USP32: variants seen among roughly 807,000 people sequenced by gnomAD.
USP32 encodes ubiquitin specific peptidase 32.
USP32 carries 59 observed loss-of-function variants against 204.8 expected under a neutral mutation model. That is an observed-to-expected ratio of 0.29 (90% CI 0.23 to 0.36). The LOEUF is 0.36. USP32 is among the 10% of genes least tolerant of loss of function. The probability of loss-of-function intolerance (pLI) is 1.00; values close to 1 mark genes in which losing one functional copy is unlikely to be tolerated. For missense variants in USP32, 1,160 were observed against 1,946.4 expected (o/e 0.60, Z 7.60); for synonymous variants, 517 against 678.4 (o/e 0.76, Z 3.70).
At chr17:60,203,208 C>G (rs1168263720) in intron 26 of USP32, among the ~76,000 whole-genome samples, 1 of 150,658 alleles carries the variant, frequency 6.6e-6, no homozygotes, top group African/African-American at 2.5e-5. Context: ...CAAGACCATC[C>G]TGGCCAACAT....
intron 2 of USP32, among the ~76,000 whole-genome samples, chr17:60,310,569 C>A (rs1006347116): frequency 1.3e-5 from 2 of 151,892 alleles, no homozygotes; most frequent in Admixed American, 1.3e-4. Flanking sequence ...CGTGGTGGCA[C>A]GCGCCTATAG....
chr17:60,204,657 T>A (rs544647365), intron 26 of USP32, among the ~76,000 whole-genome samples: 1 of 152,036 alleles, frequency 6.6e-6, no homozygotes, highest in Non-Finnish European at 1.5e-5. Flanking sequence ...TTAGTAGAGA[T>A]GGGGTTTCAC....
intron 5 of USP32, among the ~76,000 whole-genome samples, chr17:60,279,444 C>T (rs2086912845): frequency 6.6e-6 from 1 of 150,984 alleles, no homozygotes; most frequent in South Asian, 2.1e-4. Flanking sequence ...ATAATTGTAC[C>T]ACTGCACTCC....
upstream of USP32, among the ~76,000 whole-genome samples, chr17:60,393,431 A>G (rs2089871788): frequency 6.6e-6 from 1 of 152,190 alleles, no homozygotes; most frequent in South Asian, 2.1e-4. Flanking sequence ...GAGAAACCAA[A>G]TGGGGTGTAT....
At chr17:60,384,529 T>G (rs1567889086) in intron 1 of USP32, among the ~76,000 whole-genome samples, 2 of 152,156 alleles carry the variant, frequency 1.3e-5, no homozygotes, top group Admixed American at 1.3e-4. Flanking sequence ...CGGTGGCTCA[T>G]GCTTGTAATC....
At chr17:60,416,478 A>G (rs1488050958) in intron 1 of USP32, among the ~76,000 whole-genome samples, 1 of 152,120 alleles carries the variant, frequency 6.6e-6, no homozygotes, top group Non-Finnish European at 1.5e-5. Flanking sequence ...TGCCTAAAGT[A>G]TATGGCACAT....
intron 1 of USP32, among the ~76,000 whole-genome samples, chr17:60,345,843 A>G (rs1421254393): frequency 6.6e-6 from 1 of 152,062 alleles, no homozygotes; most frequent in Non-Finnish European, 1.5e-5. Flanking sequence ...TTAGCTGGGC[A>G]TGGTGGTGCA....
chr17:60,395,566 T>G (rs1184487685), upstream of USP32, among the ~76,000 whole-genome samples: 2 of 152,240 alleles, frequency 1.3e-5, no homozygotes, highest in Non-Finnish European at 2.9e-5. Context: ...CTGCTTGTCA[T>G]GCTGAAAGGA....
intron 1 of USP32, among the ~76,000 whole-genome samples, chr17:60,414,627 C>T (rs997003208): frequency 6.6e-6 from 1 of 151,568 alleles, no homozygotes. Flanking sequence ...CGGGGTTTTG[C>T]CATGTTGGTC....
At chr17:60,241,925 A>G (rs2085888615) in intron 11 of USP32, among the ~76,000 whole-genome samples, 2 of 152,080 alleles carry the variant, frequency 1.3e-5, no homozygotes, top group South Asian at 4.1e-4. Flanking sequence ...TTGGTGTTAT[A>G]TCTATGAAAT....
chr17:60,203,927 T>TA (rs1280438769), intron 26 of USP32, among the ~76,000 whole-genome samples: 1 of 152,162 alleles, frequency 6.6e-6, no homozygotes, highest in African/African-American at 2.4e-5. Context: ...CTCAATCAGC[T>TA]ATCTAGTGGC....
chr17:60,392,326 T>G, upstream of USP32: 3 of 301,718 alleles, frequency 9.9e-6, no homozygotes, highest in East Asian at 9.8e-5. Flanking sequence ...GCTCCGCCCC[T>G]CCCCAAGCTA....
intron 1 of USP32, chr17:60,421,279 G>T: frequency 2.5e-6 from 2 of 809,366 alleles, no homozygotes; most frequent in Non-Finnish European, 3.0e-6. Context: ...ACAACAAGAC[G>T]TTTGCTGAAC....
rs1026786827 is a variant in USP32 at position 60,280,567 on chromosome 17, A to G, written c.571+7956T>C. On this transcript the variant is annotated intron_variant, in intron 5 of 33. Coordinates refer to ENST00000300896, the MANE Select transcript of USP32 (RefSeq NM_032582.4). ...TGTGTATGAAAAAGTAATTAAAGGCATCTGCATGTTAACATGTTATTTAGA... is the reference window on the plus strand; with the variant it reads ...TGTGTATGAAAAAGTAATTAAAGGCGTCTGCATGTTAACATGTTATTTAGA... Among the ~76,000 whole-genome samples, 7 of 152,234 alleles carry G rather than the reference A, an allele frequency of 4.6e-5. No individual in the cohort carries two copies. In the East Asian group the frequency reaches 1.3e-3, roughly 29 times the overall value.
At chr17:60,370,286 AAAT>A (rs1184796943) in intron 1 of USP32, among the ~76,000 whole-genome samples, 2 of 152,184 alleles carry the variant, frequency 1.3e-5, no homozygotes, top group African/African-American at 4.8e-5. Context: ...AAGACAATGA[AAAT>A]AATGAAGAAA....
chr17:60,307,553 A>G (rs2087754896), intron 2 of USP32, among the ~76,000 whole-genome samples: 2 of 152,186 alleles, frequency 1.3e-5, no homozygotes, highest in African/African-American at 4.8e-5. Flanking sequence ...ATAGCCAAAA[A>G]ATCCTGAGCA....
intron 3 of USP32, among the ~76,000 whole-genome samples, chr17:60,298,926 C>T (rs987160780): frequency 3.9e-5 from 6 of 152,112 alleles, no homozygotes; most frequent in Admixed American, 3.3e-4. Context: ...AGTTAGAGTC[C>T]AGCCTGGGCA....
At chr17:60,397,247 A>G (rs2089906695) in intron 1 of USP32, among the ~76,000 whole-genome samples, 1 of 152,240 alleles carries the variant, frequency 6.6e-6, no homozygotes, top group Admixed American at 6.5e-5. Flanking sequence ...AGTCCAGCTT[A>G]TCACCTTAAT....
At chr17:60,322,907 GAACA>G (rs1385421391) in intron 2 of USP32, among the ~76,000 whole-genome samples, 1 of 152,052 alleles carries the variant, frequency 6.6e-6, no homozygotes, top group African/African-American at 2.4e-5. Flanking sequence ...CAAGAAATTT[GAACA>G]TCTGGAGATC....
Sources: gnomAD v4.1 joint callset for allele counts (sites outside exome capture counted in the v4.1 genomes callset) on GRCh38, gnomAD v4.1.1 for gene constraint, MANE v1.5 for transcripts, NCBI Gene and HGNC (gene_info 2026-07-23, HGNC 2026-07-21) for gene names.